Variants in SAMD4A observed in about 807,000 individuals in gnomAD.
SAMD4A encodes sterile alpha motif domain containing 4A.
In SAMD4A, 33 loss-of-function variants were observed where a neutral mutation model predicts 81.3. The observed-to-expected ratio is 0.41, with a 90% CI of 0.31 to 0.54. SAMD4A has a LOEUF of 0.54. SAMD4A is among the 20% of genes least tolerant of loss of function. The pLI is 0.37. For synonymous variants in SAMD4A, 389 were observed against 382.1 expected (o/e 1.02, Z -0.21); for missense variants, 854 against 951.1 (o/e 0.90, Z 1.34).
chr14:54,612,453 T>C (rs1455132105), intron 2 of SAMD4A, among the ~76,000 whole-genome samples: 1 of 152,182 alleles, frequency 6.6e-6, no homozygotes. Context: ...TCTCATCTTT[T>C]TTTGAATGTG....
At position 54,592,427 on chromosome 14, in the gene SAMD4A, G is replaced by A. The variant is rs17841032; in HGVS notation, c.196+24315G>A. Reference sequence around the variant, plus strand: ...CCTGTCTATCATTTTGCTTATTACCGAAGTGAAACATTTGCATTGTTAACA... The same window carrying A: ...CCTGTCTATCATTTTGCTTATTACCAAAGTGAAACATTTGCATTGTTAACA... On this transcript the variant is annotated intron_variant, in intron 2 of 12. Coordinates refer to ENST00000554335, the MANE Select transcript of SAMD4A (RefSeq NM_015589.6). Among the ~76,000 whole-genome samples the A allele has an allele frequency of 5.8e-3, 877 of 151,996 alleles. 13 individuals carry two copies. The highest frequency in any genetic ancestry group is 0.02 in the African/African-American group (830 of 41,458).
In SAMD4A at chr14:54,748,849, C is replaced by T; in HGVS notation, c.1014C>T (p.His338=). The T allele has an allele frequency of 6.4e-7, 1 of 1,554,992 alleles. No homozygotes were observed. Residue 338 remains histidine (H), a synonymous_variant, in exon 5 of 13, where the codon CAC becomes CAT. Coordinates refer to ENST00000554335, the MANE Select transcript of SAMD4A (RefSeq NM_015589.6). ...CCTGGCTGAAAAGCCTCCGCCTGCA[C>T]AAATATGCCGCGCTTTTCTCCCAGA... ...VPAWLKSLRL[H]KYAALFSQMT...
intron 2 of SAMD4A, among the ~76,000 whole-genome samples, chr14:54,629,419 T>C (rs1315100789): frequency 6.6e-6 from 1 of 152,202 alleles, no homozygotes; most frequent in Non-Finnish European, 1.5e-5. Flanking sequence ...AATATGTTTT[T>C]ATTGTACCAG....
intron 6 of SAMD4A, among the ~76,000 whole-genome samples, chr14:54,755,524 C>T (rs1347672860): frequency 1.3e-5 from 2 of 152,090 alleles, no homozygotes; most frequent in Admixed American, 6.5e-5. Context: ...CTATGCTCGC[C>T]CAGAAGGTCG....
intron 2 of SAMD4A, among the ~76,000 whole-genome samples, chr14:54,580,109 G>A (rs994782181): frequency 1.3e-5 from 2 of 152,222 alleles, no homozygotes; most frequent in Non-Finnish European, 2.9e-5. Context: ...TGAGAAGACT[G>A]AGGTGTACTG....
chr14:54,774,548 T>TA (rs2038786424), intron 9 of SAMD4A, among the ~76,000 whole-genome samples: 1 of 150,612 alleles, frequency 6.6e-6, no homozygotes, highest in Non-Finnish European at 1.5e-5. Flanking sequence ...ACCAAAAATA[T>TA]AAAAATCTGT....
intron 2 of SAMD4A, among the ~76,000 whole-genome samples, chr14:54,604,628 C>A (rs762946112): frequency 6.6e-6 from 1 of 152,166 alleles, no homozygotes; most frequent in Non-Finnish European, 1.5e-5. Flanking sequence ...TTTATGAACG[C>A]TTATACATGT....
chr14:54,687,398 G>T (rs1215162157), intron 2 of SAMD4A: 4 of 456,254 alleles, frequency 8.8e-6, no homozygotes, highest in African/African-American at 8.0e-5. Context: ...ATCAAAGTTG[G>T]CATTCTTGGT....
intron 2 of SAMD4A, among the ~76,000 whole-genome samples, chr14:54,587,360 A>T (rs574128755): frequency 1.6e-4 from 25 of 152,196 alleles, no homozygotes; most frequent in Admixed American, 1.2e-3. Context: ...GTATACAATC[A>T]TATCATCAGC....
intron 3 of SAMD4A, among the ~76,000 whole-genome samples, chr14:54,727,822 A>G (rs959658881): frequency 2.0e-5 from 3 of 152,240 alleles, no homozygotes; most frequent in East Asian, 1.9e-4. Flanking sequence ...ACGCACGCGC[A>G]CACACACACA....
intron 2 of SAMD4A, among the ~76,000 whole-genome samples, chr14:54,581,151 G>A (rs903801256): frequency 6.6e-6 from 1 of 152,216 alleles, no homozygotes; most frequent in Non-Finnish European, 1.5e-5. Context: ...GTGAAATGGA[G>A]TTACCACTAC....
At chr14:54,573,857 G>A (rs972882132) in intron 2 of SAMD4A, among the ~76,000 whole-genome samples, 2 of 152,208 alleles carry the variant, frequency 1.3e-5, no homozygotes, top group Non-Finnish European at 2.9e-5. Context: ...GAGCCAGCTT[G>A]GAATTCAGAG....
intron 11 of SAMD4A, among the ~76,000 whole-genome samples, chr14:54,778,783 TGCCCAGCAC>T (rs1348988561): frequency 1.3e-5 from 2 of 152,184 alleles, no homozygotes; most frequent in Admixed American, 6.5e-5. Context: ...TCCTAAGTCC[TGCCCAGCAC>T]GCTCAGCACC....
chr14:54,641,330 G>A (rs1330598307), intron 2 of SAMD4A, among the ~76,000 whole-genome samples: 1 of 152,192 alleles, frequency 6.6e-6, no homozygotes, highest in African/African-American at 2.4e-5. Context: ...GGGTCTATAA[G>A]CAGGGACCAC....
intron 2 of SAMD4A, among the ~76,000 whole-genome samples, chr14:54,665,676 G>A (rs943366612): frequency 1.3e-5 from 2 of 152,154 alleles, no homozygotes; most frequent in Non-Finnish European, 2.9e-5. Flanking sequence ...GGTAGAATTG[G>A]TTGGATTTCC....
intron 6 of SAMD4A, among the ~76,000 whole-genome samples, chr14:54,757,383 TTGTGTGTGTG>T (rs3051653): frequency 0.014 from 1,892 of 140,144 alleles, 45 homozygotes; most frequent in African/African-American, 0.046. Context: ...GTTTCTTTAT[TTGTGTGTGTG>T]TGTGTGTGTG....
At chr14:54,735,265 G>A (rs1202976160) in intron 3 of SAMD4A, 2 of 148,578 alleles carry the variant, frequency 1.3e-5, no homozygotes, top group African/African-American at 5.0e-5. Flanking sequence ...GCTAATTCTG[G>A]TCCAACCAGG....
intron 2 of SAMD4A, among the ~76,000 whole-genome samples, chr14:54,625,611 T>C (rs2034725871): frequency 6.6e-6 from 1 of 152,218 alleles, no homozygotes; most frequent in African/African-American, 2.4e-5. Flanking sequence ...CATACCTCTT[T>C]AAAAATGTGT....
At chr14:54,743,320 A>T (rs77313437) in intron 4 of SAMD4A, among the ~76,000 whole-genome samples, 1 of 152,330 alleles carries the variant, frequency 6.6e-6, no homozygotes, top group African/African-American at 2.4e-5. Context: ...TTTAATTTCC[A>T]AATGCCAAGA....
Sources: gnomAD v4.1 joint callset for allele counts (sites outside exome capture counted in the v4.1 genomes callset) on GRCh38, gnomAD v4.1.1 for gene constraint, MANE v1.5 for transcripts, NCBI Gene and HGNC (gene_info 2026-07-23, HGNC 2026-07-21) for gene names.